Variants in RBM22 observed in about 807,000 individuals in gnomAD.
RBM22 encodes RNA binding motif protein 22.
A neutral mutation model predicts 50.1 loss-of-function variants in RBM22; 1 was observed. That is an observed-to-expected ratio of 0.02 (90% CI 0.01 to 0.09). RBM22 has a LOEUF of 0.09. RBM22 is among the 10% of genes least tolerant of loss of function. The pLI is 1.00. For synonymous variants in RBM22, 152 were observed against 179.0 expected (o/e 0.85, Z 1.20); for missense variants, 264 against 529.3 (o/e 0.50, Z 4.92).
chr5:150,691,078 G>A lies in RBM22; in HGVS notation c.*673C>T, dbSNP rs1759201582. ...ATGCCAGACACCAGGTTTCTTCGAT[G>A]GTACACAGCTCCATGAAATTTGTGT... On this transcript the variant is annotated 3_prime_UTR_variant, in exon 11 of 11. Coordinates refer to ENST00000199814, the MANE Select transcript of RBM22 (RefSeq NM_018047.3). The A allele has an allele frequency of 6.6e-6, 1 of 152,296 alleles. No individual in the cohort carries two copies. The highest frequency in any genetic ancestry group is 1.9e-4 in the East Asian group (1 of 5,336). The allele number at this position is 152,296 out of a possible 1,614,324, so 9.4% of individuals were successfully genotyped here. A position where few individuals can be genotyped will look rare whatever the true frequency, so the allele number is the denominator to read the frequency against.
chr5:150,700,228 T>C (rs1240779992), intron 2 of RBM22, among the ~76,000 whole-genome samples: 1 of 152,220 alleles, frequency 6.6e-6, no homozygotes, highest in Non-Finnish European at 1.5e-5. Flanking sequence ...AGGTAAATGC[T>C]CAACAAATAC....
intron 7 of RBM22, 84 bp downstream of exon 7, chr5:150,695,421 GA>G (rs1157745799): frequency 8.7e-7 from 1 of 1,148,920 alleles, no homozygotes; most frequent in Non-Finnish European, 1.3e-6. Context: ...ATTTTGTACA[GA>G]ATGATCATTC....
chr5:150,693,703 G>A (rs1189620504), intron 8 of RBM22, among the ~76,000 whole-genome samples: 1 of 152,192 alleles, frequency 6.6e-6, no homozygotes, highest in East Asian at 1.9e-4. Context: ...ACTTAAAATA[G>A]CGATTCTTCC....
intron 7 of RBM22, chr5:150,694,763 C>T (rs964803001): frequency 1.2e-4 from 19 of 152,682 alleles, no homozygotes; most frequent in African/African-American, 4.6e-4. Flanking sequence ...TCCACTTTAT[C>T]TCTTTGGAAG....
chr5:150,691,890 A>G lies in RBM22; in HGVS notation c.1133-9T>C. On this transcript the variant is annotated splice_polypyrimidine_tract_variant and intron_variant, in intron 10 of 10. Coordinates refer to ENST00000199814, the MANE Select transcript of RBM22 (RefSeq NM_018047.3). ...CATGTGTGGCCCAAAACCTGCAGATACGAGAGAACAAATGTGTTAGGCTGG... is the reference window on the plus strand; with the variant it reads ...CATGTGTGGCCCAAAACCTGCAGATGCGAGAGAACAAATGTGTTAGGCTGG... 1 of 1,559,552 alleles carries G rather than the reference A, an allele frequency of 6.4e-7. No homozygotes were observed.
chr5:150,700,743 C>T (rs746474628), intron 1 of RBM22, 189 bp downstream of exon 1: 5 of 1,539,706 alleles, frequency 3.2e-6, no homozygotes, highest in Non-Finnish European at 4.4e-6. Flanking sequence ...GTCCCGGGAC[C>T]CTGGCTAAGC....
chr5:150,692,310 ACCTGT>A lies in RBM22; in HGVS notation c.1133-434_1133-430del, dbSNP rs1191083345. ...GCTCTCTGCCACAGGAGAACTGGCT[ACCTGT>A]GATTTCCTTCCACTGTTAACACTGT... On this transcript the variant is annotated intron_variant, in intron 10 of 10. Coordinates refer to ENST00000199814, the MANE Select transcript of RBM22 (RefSeq NM_018047.3). Among the ~76,000 whole-genome samples, 11 of 152,306 alleles carry A rather than the reference ACCTGT, an allele frequency of 7.2e-5. No individual in the cohort carries two copies. The South Asian group carries it at 2.1e-3, about 29-fold the overall frequency.
At position 150,691,946 on chromosome 5, in the gene RBM22, A is replaced by C. The variant is rs995753748; in HGVS notation, c.1133-65T>G. The C allele has an allele frequency of 1.1e-5, 16 of 1,403,896 alleles. No individual in the cohort carries two copies. The South Asian group carries it at 2.3e-4, about 20-fold the overall frequency. 87.0% of individuals were successfully genotyped at this position (1,403,896 alleles called of 1,614,324 possible). A position where few individuals can be genotyped will look rare whatever the true frequency, so the allele number is the denominator to read the frequency against. On this transcript the variant is annotated intron_variant, in intron 10 of 10. Transcript: ENST00000199814. ...TCCTTGATAACCTTTCAAACCTCTC[A>C]ATCTTGCTAAGGTTAAAACCACCTA...
intron 3 of RBM22, among the ~76,000 whole-genome samples, chr5:150,698,957 C>A (rs1328830404): frequency 6.6e-6 from 1 of 152,088 alleles, no homozygotes; most frequent in African/African-American, 2.4e-5. Flanking sequence ...CAAGAATGAC[C>A]TTCCTCCTCA....
chr5:150,698,468 C>G (rs367720976), intron 4 of RBM22, 31 bp downstream of exon 4: 1 of 1,609,172 alleles, frequency 6.2e-7, no homozygotes, highest in African/African-American at 1.3e-5. Context: ...CACCTGCACA[C>G]TTTCAGATTT....
At position 150,696,751 on chromosome 5, in the gene RBM22, T is replaced by C; in HGVS notation, c.372+40A>G. ...CAAAAGATAAATTATACAGACTGTGTCAATTCATTAGGATTTTTATCCAAA... is the reference window on the plus strand; with the variant it reads ...CAAAAGATAAATTATACAGACTGTGCCAATTCATTAGGATTTTTATCCAAA... On this transcript the variant is annotated intron_variant, in intron 5 of 10. Transcript: ENST00000199814. This position sits in a 1 kb window ranked among gnomAD's most constrained non-coding sequence, Gnocchi z 4.3. 6.2e-7 allele frequency: 1 copy of C among 1,613,744 alleles called. No individual in the cohort carries two copies. The highest frequency in any genetic ancestry group is 8.5e-7 in the Non-Finnish European group (1 of 1,179,608).
Position 150,696,452 on chromosome 5 carries a change from A to G in RBM22, c.545+81T>C, listed in dbSNP as rs950431627. The G allele has an allele frequency of 5.6e-6, 8 of 1,429,818 alleles. No homozygotes were observed. The highest frequency in any genetic ancestry group is 2.0e-5 in the Admixed American group (1 of 48,940). 88.6% of individuals were successfully genotyped at this position (1,429,818 alleles called of 1,614,324 possible). A position where few individuals can be genotyped will look rare whatever the true frequency, so the allele number is the denominator to read the frequency against. ...GTATGACCTTTAGATTTTAAAGCAG[A>G]AACAGTTTAAGTTAGGACCTCCCAC... is the stretch of plus-strand genomic sequence containing the variant. On this transcript the variant is annotated intron_variant, in intron 6 of 10. Coordinates refer to ENST00000199814, the MANE Select transcript of RBM22 (RefSeq NM_018047.3). The surrounding 1 kb of genome is among the most constrained non-coding windows in gnomAD (Gnocchi z 4.3).
Position 150,696,683 on chromosome 5 carries a change from C to T in RBM22, c.395G>A (p.Arg132Gln). 1.9e-6 allele frequency: 3 copies of T among 1,614,010 alleles called. No homozygotes were observed. The highest frequency in any genetic ancestry group is 2.2e-5 in the East Asian group (1 of 44,878). Residue 132 changes from arginine (R) to glutamine (Q), a missense_variant, in exon 6 of 11, where the codon CGG becomes CAG. Coordinates refer to ENST00000199814, the MANE Select transcript of RBM22 (RefSeq NM_018047.3). This position sits in a 1 kb window ranked among gnomAD's most constrained non-coding sequence, Gnocchi z 4.3. ...EREISNSDGT[R>Q]PVGMLGKATS... is the part of the protein sequence containing the mutation. Reference sequence around the variant, plus strand: ...GGCTTTCCCCAGCATGCCAACTGGCCGTGTTCCATCAGAGTTAGAAATCTA... The same window carrying T: ...GGCTTTCCCCAGCATGCCAACTGGCTGTGTTCCATCAGAGTTAGAAATCTA...
In RBM22 at chr5:150,691,253, C is replaced by T. The variant is rs1759204135; in HGVS notation, c.*498G>A. 1 of 152,344 alleles carries T rather than the reference C, an allele frequency of 6.6e-6. No homozygotes were observed. Among genetic ancestry groups the T allele is most frequent in the Non-Finnish European group, 1.5e-5 (1 of 68,072 alleles). The allele number at this position is 152,344 out of a possible 1,614,324, so 9.4% of individuals were successfully genotyped here. On this transcript the variant is annotated 3_prime_UTR_variant, in exon 11 of 11. Transcript: ENST00000199814. ...GGCTGTGCTGGTGCTGGTTTCTACT[C>T]ATCTTTCGGAGGGTGTGACTTCAAG...
chr5:150,692,334 A>T lies in RBM22; in HGVS notation c.1133-453T>A, dbSNP rs1759219075. On this transcript the variant is annotated intron_variant, in intron 10 of 10. Transcript: ENST00000199814. Reference sequence around the variant, plus strand: ...TACCTGTGATTTCCTTCCACTGTTAACACTGTCTACAGCAGTGCTATACGA... The same window carrying T: ...TACCTGTGATTTCCTTCCACTGTTATCACTGTCTACAGCAGTGCTATACGA... Among the ~76,000 whole-genome samples, 3 of 152,176 alleles carry T rather than the reference A, an allele frequency of 2.0e-5. No individual in the cohort carries two copies. The South Asian group carries it at 6.2e-4, about 32-fold the overall frequency.
At position 150,700,673 on chromosome 5, in the gene RBM22, G is replaced by A. The variant is rs1759335270; in HGVS notation, c.55-176C>T. On this transcript the variant is annotated intron_variant, in intron 1 of 10. Coordinates refer to ENST00000199814, the MANE Select transcript of RBM22 (RefSeq NM_018047.3). ...GCGCTGTCTGCACTTCCGGCAGGCG[G>A]CGGGAGAAAAGAAAACCAGCTCTAA... 3 of 1,526,458 alleles carry A rather than the reference G, an allele frequency of 2.0e-6. 1 individual carries two copies. Among genetic ancestry groups the A allele is most frequent in the South Asian group, 2.4e-5 (2 of 82,828 alleles). 94.6% of individuals were successfully genotyped at this position (1,526,458 alleles called of 1,614,324 possible).
At chr5:150,695,451 A>T in intron 7 of RBM22, 55 bp downstream of exon 7, 1 of 1,399,674 alleles carries the variant, frequency 7.1e-7, no homozygotes, top group East Asian at 2.3e-5. Context: ...TTTGCAAATA[A>T]ATTATTCCAG....
In RBM22 at chr5:150,692,975, T is replaced by G; in HGVS notation, c.1052A>C (p.Asn351Thr). Residue 351 changes from asparagine (N) to threonine (T), a missense_variant, in exon 10 of 11, where the codon AAC becomes ACC. Asn to Thr is a moderately conservative substitution (Grantham distance 65). This residue lies in a region of RBM22 where 106 missense variants were observed against 137.1 expected (regional missense o/e 0.77). Coordinates refer to ENST00000199814, the MANE Select transcript of RBM22 (RefSeq NM_018047.3). ...AEEEASANYF[N>T]LPPSGPPAVV... Reference sequence around the variant, plus strand: ...AGCTGGAGGACCACTTGGGGGCAAGTTGAAGTAGTTGGCAGAGGCTTCTTC... The same window carrying G: ...AGCTGGAGGACCACTTGGGGGCAAGGTGAAGTAGTTGGCAGAGGCTTCTTC... 6.2e-7 allele frequency: 1 copy of G among 1,613,200 alleles called. No homozygotes were observed.
At chr5:150,698,703 G>C (rs1397315192) in intron 3 of RBM22, 72 bp from the exon 4 acceptor site, 1 of 1,540,142 alleles carries the variant, frequency 6.5e-7, no homozygotes, top group Non-Finnish European at 8.7e-7. Flanking sequence ...TGATAACAAC[G>C]GGGCATTCAA....
Sources: allele counts gnomAD v4.1 joint callset (sites outside exome capture counted in the v4.1 genomes callset), GRCh38; gene constraint gnomAD v4.1.1; regional missense constraint gnomAD v4.1.1; non-coding constraint Gnocchi (gnomAD v3.1); transcripts MANE v1.5; gene names NCBI Gene and HGNC (gene_info 2026-07-23, HGNC 2026-07-21).